The following KIAA0232 variants were observed in gnomAD, a reference collection of about 807,000 sequenced individuals.
KIAA0232 encodes the protein KIAA0232.
Under a neutral mutation model 122.0 loss-of-function variants are expected in KIAA0232, and 27 were observed. That is an observed-to-expected ratio of 0.22 (90% confidence interval 0.16 to 0.31). The LOEUF (loss-of-function observed/expected upper bound fraction) is 0.31, where lower values mean the gene tolerates loss of function less well. Among genes scored for constraint, KIAA0232 ranks in the 10% least tolerant of loss-of-function variants. The pLI is 1.00. For missense variants in KIAA0232, 1,551 were observed against 1,634.2 expected, an observed-to-expected ratio of 0.95 and a Z score of 0.88; for synonymous variants, 613 against 587.6, an observed-to-expected ratio of 1.04 and a Z score of -0.63.
At chr4:6,803,878 ATATCCT>A (rs1369393008) in intron 1 of KIAA0232, among the ~76,000 whole-genome samples, 1 of 152,116 alleles carries the variant, frequency 6.6e-6, no homozygotes, top group African/African-American at 2.4e-5. Flanking sequence ...TTTTAAGGAG[ATATCCT>A]TATAGGGCTC....
At chr4:6,848,252 T>C (rs1720079634) in intron 4 of KIAA0232, among the ~76,000 whole-genome samples, 1 of 152,216 alleles carries the variant, frequency 6.6e-6, no homozygotes, top group African/African-American at 2.4e-5. Context: ...GTATATGCAT[T>C]ATTTATATGC....
intron 2 of KIAA0232, among the ~76,000 whole-genome samples, chr4:6,804,893 G>GTT (rs1049369495): frequency 1.3e-5 from 2 of 152,100 alleles, no homozygotes; most frequent in Admixed American, 6.6e-5. Flanking sequence ...AACATCTCCT[G>GTT]TTTCCCAAGC....
intron 2 of KIAA0232, among the ~76,000 whole-genome samples, chr4:6,814,907 C>T (rs1718049902): frequency 6.6e-6 from 1 of 151,918 alleles, no homozygotes; most frequent in Non-Finnish European, 1.5e-5. Flanking sequence ...GTAAAAAAGA[C>T]AAATTTTAAA....
chr4:6,799,119 G>GGT (rs1356970941), intron 1 of KIAA0232, among the ~76,000 whole-genome samples: 1 of 151,914 alleles, frequency 6.6e-6, no homozygotes, highest in Non-Finnish European at 1.5e-5. Flanking sequence ...AGCGTCTGGT[G>GGT]GTTATTGGCA....
intron 3 of KIAA0232, among the ~76,000 whole-genome samples, chr4:6,831,457 G>T (rs1004084544): frequency 6.6e-6 from 1 of 152,160 alleles, no homozygotes; most frequent in Non-Finnish European, 1.5e-5. Context: ...GGTGGTGTTG[G>T]ATGGTTAGAT....
At chr4:6,831,087 G>T (rs764020732) in intron 3 of KIAA0232, among the ~76,000 whole-genome samples, 2 of 150,500 alleles carry the variant, frequency 1.3e-5, no homozygotes, top group Non-Finnish European at 3.0e-5. Context: ...ACGGAGTCTC[G>T]CCCTGTCGCC....
intron 3 of KIAA0232, among the ~76,000 whole-genome samples, chr4:6,826,557 T>C (rs1039016961): frequency 3.4e-5 from 5 of 148,400 alleles, no homozygotes; most frequent in African/African-American, 7.5e-5. Flanking sequence ...CAGGCTGGAG[T>C]GCAGTGGCGT....
chr4:6,783,304 C>T lies in KIAA0232; in HGVS notation c.-354+463C>T, dbSNP rs1009315973. On this transcript the variant is annotated intron_variant, in intron 1 of 9. Transcript: ENST00000307659. The stretch of plus-strand genomic sequence containing the variant: ...AGGACGCCGGGACACCAGCTTGCGG[C>T]TCTTGCGCCCGGGTGGGCTGTGGAC... 3.1e-4 allele frequency among the ~76,000 whole-genome samples: 47 copies of T among 152,176 alleles called. 3 individuals carry two copies. Among genetic ancestry groups the T allele is most frequent in the Non-Finnish European group, 1.5e-5 (1 of 68,014 alleles).
In KIAA0232 at chr4:6,861,966, A is replaced by G; in HGVS notation, c.1584A>G (p.Gln528=). 6.2e-7 allele frequency: 1 copy of G among 1,614,184 alleles called. No individual in the cohort carries two copies. The highest frequency in any genetic ancestry group is 8.5e-7 in the Non-Finnish European group (1 of 1,180,012). ...ATCCTGGTGCCTCAGAAACAATGCA[A>G]GGAGAAAGTCGGATTTTGAATATGA... ...MLDPGASETM[Q]GESRILNMIR... The change falls in exon 7 of 10, where the codon CAA becomes CAG. Residue 528 remains glutamine (Q), a synonymous_variant. Coordinates refer to ENST00000307659, the MANE Select transcript of KIAA0232 (RefSeq NM_014743.3).
intron 3 of KIAA0232, among the ~76,000 whole-genome samples, chr4:6,831,301 G>A (rs529038529): frequency 4.9e-4 from 74 of 152,164 alleles, no homozygotes; most frequent in Non-Finnish European, 8.1e-4. Flanking sequence ...TGATCCGCCC[G>A]CCTCGGCCTC....
chr4:6,806,462 C>T (rs1036327747), intron 2 of KIAA0232, among the ~76,000 whole-genome samples: 9 of 152,080 alleles, frequency 5.9e-5, no homozygotes, highest in Admixed American at 2.6e-4. Flanking sequence ...AGAGGCCTGG[C>T]GGTGGCTCAT....
At chr4:6,804,181 T>G (rs188651824) in intron 1 of KIAA0232, among the ~76,000 whole-genome samples, 46 of 152,282 alleles carry the variant, frequency 3.0e-4, no homozygotes, top group African/African-American at 1.1e-3. Context: ...TTGGTAGCAT[T>G]TCTAACACTT....
At chr4:6,783,146 G>A (rs1360635795) in intron 1 of KIAA0232, among the ~76,000 whole-genome samples, 1 of 152,182 alleles carries the variant, frequency 6.6e-6, no homozygotes, top group South Asian at 2.1e-4. Flanking sequence ...GATGGCTCCG[G>A]GGCCAGCCTA....
chr4:6,868,256 T>G (rs561974967), intron 7 of KIAA0232, among the ~76,000 whole-genome samples: 41 of 152,380 alleles, frequency 2.7e-4, no homozygotes, highest in African/African-American at 8.9e-4. Flanking sequence ...AGTTTATGTC[T>G]TCTTTTCACT....
At chr4:6,813,747 A>C (rs1042180380) in intron 2 of KIAA0232, among the ~76,000 whole-genome samples, 2 of 152,100 alleles carry the variant, frequency 1.3e-5, no homozygotes, top group Non-Finnish European at 2.9e-5. Flanking sequence ...CTAGATAAAT[A>C]ATTAAATACT....
intron 1 of KIAA0232, among the ~76,000 whole-genome samples, chr4:6,787,259 G>T (rs1200932840): frequency 1.3e-5 from 2 of 149,414 alleles, no homozygotes; most frequent in Admixed American, 1.3e-4. Flanking sequence ...TTCTTTAAAA[G>T]TTTTCTTTTT....
intron 1 of KIAA0232, among the ~76,000 whole-genome samples, chr4:6,796,567 C>T (rs1381884054): frequency 6.6e-6 from 1 of 152,170 alleles, no homozygotes; most frequent in Non-Finnish European, 1.5e-5. Context: ...AAGTGAGTTT[C>T]ATGCCACCTG....
chr4:6,864,102 T>G lies in KIAA0232; in HGVS notation c.3720T>G (p.Ile1240Met). 6.2e-7 allele frequency: 1 copy of G among 1,614,116 alleles called. No homozygotes were observed. Among genetic ancestry groups the G allele is most frequent in the East Asian group, 2.2e-5 (1 of 44,878 alleles). ...TAATGGCACAATGCGAGGAAGAAAT[T>G]AATAATTTTTGTGGTTGCAAAGCAG... ...CKIMAQCEEE[I>M]NNFCGCKAGC... Residue 1240 changes from isoleucine (I) to methionine (M), a missense_variant, in exon 7 of 10, where the codon ATT becomes ATG. This residue lies in a region of KIAA0232 where 1,108 missense variants were observed against 1,154.8 expected (regional missense o/e 0.96). Coordinates refer to ENST00000307659, the MANE Select transcript of KIAA0232 (RefSeq NM_014743.3).
At chr4:6,868,920 C>G (rs1386991444) in intron 7 of KIAA0232, among the ~76,000 whole-genome samples, 1 of 152,000 alleles carries the variant, frequency 6.6e-6, no homozygotes, top group Non-Finnish European at 1.5e-5. Flanking sequence ...ACTGGTGTGC[C>G]CTTCACAGTG....
Sources: allele counts gnomAD v4.1 joint callset (sites outside exome capture counted in the v4.1 genomes callset), GRCh38; gene constraint gnomAD v4.1.1; regional missense constraint gnomAD v4.1.1; transcripts MANE v1.5; gene names NCBI Gene and HGNC (gene_info 2026-07-23, HGNC 2026-07-21).